Variants in SLCO1B3 observed in about 807,000 individuals in gnomAD.
SLCO1B3 encodes the protein solute carrier organic anion transporter family member 1B3, also known as liver-specific organic anion transporter 2.
In SLCO1B3, 72 loss-of-function variants were observed where a neutral mutation model predicts 71.8. That is an observed-to-expected ratio of 1.00 (90% CI 0.83 to 1.22). SLCO1B3 has a LOEUF of 1.22. Among genes scored for constraint, SLCO1B3 ranks in the 50% most tolerant of loss-of-function variants. The pLI, the probability that SLCO1B3 is intolerant of heterozygous loss-of-function variation, is 0.00. For synonymous variants in SLCO1B3, 298 were observed against 278.4 expected (o/e 1.07, Z -0.70); for missense variants, 911 against 819.7 (o/e 1.11, Z -1.36).
intron 9 of SLCO1B3, among the ~76,000 whole-genome samples, 166 bp from the exon 10 acceptor site, chr12:20,877,606 A>G (rs1591776042): frequency 6.6e-6 from 1 of 152,194 alleles, no homozygotes; most frequent in Non-Finnish European, 1.5e-5. Flanking sequence ...AAATTTAACA[A>G]TTTGGTTAAT....
intron 8 of SLCO1B3, among the ~76,000 whole-genome samples, chr12:20,870,720 T>G (rs1412476954): frequency 6.6e-6 from 1 of 152,184 alleles, no homozygotes; most frequent in Non-Finnish European, 1.5e-5. Flanking sequence ...TATTAATTAC[T>G]TTAGCTTTGA....
At chr12:20,873,026 C>T (rs1189269014) in intron 8 of SLCO1B3, among the ~76,000 whole-genome samples, 1 of 152,078 alleles carries the variant, frequency 6.6e-6, no homozygotes, top group Non-Finnish European at 1.5e-5. Context: ...GAAGACAGTC[C>T]TTAGTCAACT....
chr12:20,829,558 GACCTTGGCAAAATGTGCA>G (rs372983152), intron 3 of SLCO1B3, among the ~76,000 whole-genome samples: 128 of 152,286 alleles, frequency 8.4e-4, no homozygotes, highest in African/African-American at 3.0e-3. Flanking sequence ...GGAGCCCCCT[GACCTTGGCAAAATGTGCA>G]ATTGGTTTTG....
intron 3 of SLCO1B3, chr12:20,845,275 G>A: frequency 2.6e-6 from 1 of 386,384 alleles, no homozygotes; most frequent in Non-Finnish European, 5.1e-6. Flanking sequence ...GGAAAGAGCA[G>A]CCCCAGTTAG....
chr12:20,890,371 A>G (rs1184157533), intron 13 of SLCO1B3, among the ~76,000 whole-genome samples: 1 of 152,210 alleles, frequency 6.6e-6, no homozygotes, highest in East Asian at 1.9e-4. Context: ...CTGAAAAGGT[A>G]CTTGATATTA....
At chr12:20,870,839 A>G (rs1343803458) in intron 8 of SLCO1B3, among the ~76,000 whole-genome samples, 1 of 152,152 alleles carries the variant, frequency 6.6e-6, no homozygotes, top group Non-Finnish European at 1.5e-5. Context: ...ATCTGTGGAT[A>G]TATTTGAGTA....
chr12:20,872,165 A>G (rs1380201696), intron 8 of SLCO1B3, among the ~76,000 whole-genome samples: 2 of 151,788 alleles, frequency 1.3e-5, no homozygotes, highest in African/African-American at 4.8e-5. Context: ...TGTGTCCACC[A>G]CCACCACAGG....
At chr12:20,871,606 T>C (rs1259485662) in intron 8 of SLCO1B3, among the ~76,000 whole-genome samples, 1 of 152,190 alleles carries the variant, frequency 6.6e-6, no homozygotes, top group African/African-American at 2.4e-5. Flanking sequence ...AATAATACTG[T>C]GGTTTTTACA....
intron 3 of SLCO1B3, among the ~76,000 whole-genome samples, chr12:20,819,083 G>T (rs2121081155): frequency 6.6e-6 from 1 of 152,320 alleles, no homozygotes; most frequent in African/African-American, 2.4e-5. Flanking sequence ...AAGTACTAAA[G>T]CAGCGGCAGC....
chr12:20,816,792 C>T (rs1016394516), intron 3 of SLCO1B3, among the ~76,000 whole-genome samples: 1 of 152,078 alleles, frequency 6.6e-6, no homozygotes, highest in African/African-American at 2.4e-5. Context: ...TCATAGTGGT[C>T]CTACTAATTT....
At chr12:20,817,567 T>C (rs372205195) in intron 3 of SLCO1B3, among the ~76,000 whole-genome samples, 1 of 152,248 alleles carries the variant, frequency 6.6e-6, no homozygotes, top group African/African-American at 2.4e-5. Context: ...AGTACCATGC[T>C]GTTTTGGTTA....
chr12:20,882,234 G>C (rs913171267), intron 12 of SLCO1B3, among the ~76,000 whole-genome samples: 1 of 152,102 alleles, frequency 6.6e-6, no homozygotes, highest in Admixed American at 6.5e-5. Flanking sequence ...CTACTGCAAA[G>C]TTCCTTTACT....
chr12:20,906,010 T>C (rs1866237783), intron 15 of SLCO1B3, among the ~76,000 whole-genome samples: 1 of 152,106 alleles, frequency 6.6e-6, no homozygotes, highest in East Asian at 1.9e-4. Flanking sequence ...AGGGAAGGAC[T>C]ACACACTTCT....
intron 13 of SLCO1B3, among the ~76,000 whole-genome samples, chr12:20,890,826 C>A (rs1591784191): frequency 1.3e-5 from 2 of 152,260 alleles, no homozygotes; most frequent in East Asian, 3.9e-4. Context: ...GCCAGTATAA[C>A]TACTACTGCT....
intron 10 of SLCO1B3, among the ~76,000 whole-genome samples, chr12:20,878,965 G>C (rs1220720124): frequency 6.6e-6 from 1 of 152,048 alleles, no homozygotes; most frequent in Non-Finnish European, 1.5e-5. Flanking sequence ...ATGTATAAAG[G>C]ATTTTTTAGA....
chr12:20,882,725 T>C (rs1269611623), intron 12 of SLCO1B3, among the ~76,000 whole-genome samples: 1 of 152,096 alleles, frequency 6.6e-6, no homozygotes, highest in Non-Finnish European at 1.5e-5. Flanking sequence ...AAGTTCTCCT[T>C]CAGTAAATAG....
intron 13 of SLCO1B3, among the ~76,000 whole-genome samples, chr12:20,889,511 G>A (rs1428299742): frequency 2.0e-5 from 3 of 152,058 alleles, no homozygotes; most frequent in Admixed American, 2.0e-4. Context: ...AGTAGTCTCT[G>A]ATGATCTTTT....
intron 3 of SLCO1B3, among the ~76,000 whole-genome samples, chr12:20,848,611 A>G (rs1864961834): frequency 6.6e-6 from 1 of 152,176 alleles, no homozygotes; most frequent in South Asian, 2.1e-4. Context: ...GAATAGGTAA[A>G]GAAACTGTGA....
chr12:20,909,862 CTTAG>C (rs530692437), intron 15 of SLCO1B3, among the ~76,000 whole-genome samples: 72 of 152,212 alleles, frequency 4.7e-4, no homozygotes, highest in South Asian at 2.9e-3. Flanking sequence ...GATTATTTTT[CTTAG>C]TTAGTCCATT....
Sources: allele counts gnomAD v4.1 joint callset (sites outside exome capture counted in the v4.1 genomes callset), GRCh38; gene constraint gnomAD v4.1.1; transcripts MANE v1.5; gene names NCBI Gene and HGNC (gene_info 2026-07-23, HGNC 2026-07-21).